Variants in YLPM1 observed in about 807,000 individuals in gnomAD.
The protein encoded by YLPM1 is YLP motif-containing protein 1.
YLPM1 carries 99 observed loss-of-function variants against 230.0 expected under a neutral mutation model. That is an observed-to-expected ratio of 0.43 (90% CI 0.37 to 0.51). The LOEUF is 0.51. Among genes scored for constraint, YLPM1 ranks in the 20% least tolerant of loss-of-function variants. The probability of loss-of-function intolerance (pLI) is 0.00; values close to 1 mark genes in which losing one functional copy is unlikely to be tolerated. For missense variants in YLPM1, 2,592 were observed against 2,707.7 expected, an observed-to-expected ratio of 0.96 and a Z score of 0.95; for synonymous variants, 984 against 942.5, an observed-to-expected ratio of 1.04 and a Z score of -0.81.
chr14:74,804,044 C>G (rs1172080512), intron 6 of YLPM1, among the ~76,000 whole-genome samples: 1 of 152,076 alleles, frequency 6.6e-6, no homozygotes, highest in Non-Finnish European at 1.5e-5. Context: ...GTAATCCCAG[C>G]TACTAAGGAG....
At chr14:74,826,491 T>G (rs116618713) in intron 18 of YLPM1, among the ~76,000 whole-genome samples, 57 of 152,348 alleles carry the variant, frequency 3.7e-4, no homozygotes, top group African/African-American at 1.4e-3. Flanking sequence ...TGTCACATGT[T>G]GAGCAAAAAC....
rs759803755 is a variant in YLPM1, at chr14:74,797,875, T to C, written c.2578T>C (p.Ser860Pro). ...ACCTAAGTCACAAGCAGAACCTCTTTCAGGAAACAAAGAACCATTAGCAGA... is the reference window on the plus strand; with the variant it reads ...ACCTAAGTCACAAGCAGAACCTCTTCCAGGAAACAAAGAACCATTAGCAGA... The part of the protein sequence containing the change: ...QQPKSQAEPL[S>P]GNKEPLADTS... The change falls in exon 5 of 21, where the codon TCA (serine) becomes CCA (proline). Residue 860 changes from serine (S) to proline (P), a missense_variant. Transcript: ENST00000325680. 1.2e-6 allele frequency: 2 copies of C among 1,613,822 alleles called. No individual in the cohort carries two copies. The highest frequency in any genetic ancestry group is 2.7e-5 in the African/African-American group (2 of 74,912).
chr14:74,769,583 G>A (rs929152622), intron 1 of YLPM1, among the ~76,000 whole-genome samples: 4 of 146,696 alleles, frequency 2.7e-5, no homozygotes, highest in African/African-American at 8.0e-5. Flanking sequence ...CAGAGTGCCC[G>A]GCCATTTTTT....
At position 74,781,823 on chromosome 14, in the gene YLPM1, C is replaced by A. The variant is rs150798945; in HGVS notation, c.1780C>A (p.Pro594Thr). Residue 594 changes from proline (P) to threonine (T), a missense_variant, in exon 4 of 21, where the codon CCT (proline) becomes ACT (threonine). Pro to Thr is a conservative substitution (Grantham distance 38). Coordinates refer to ENST00000325680, the MANE Select transcript of YLPM1 (RefSeq NM_019589.3). ...AGGGCCACCACCAGTTCTCCCCCCA[C>A]CTTCCCTGTCTTCTGCAGGGCCACC... is the stretch of plus-strand genomic sequence containing the variant. The part of the protein sequence containing the change: ...SAGPPPVLPP[P>T]SLSSAGPPPV... 2 of 1,612,480 alleles carry A rather than the reference C, an allele frequency of 1.2e-6. No individual in the cohort carries two copies. Among genetic ancestry groups the A allele is most frequent in the Non-Finnish European group, 1.7e-6 (2 of 1,179,168 alleles).
chr14:74,764,386 T>G (rs777755615), intron 1 of YLPM1, 24 bp downstream of exon 1: 5 of 1,569,448 alleles, frequency 3.2e-6, no homozygotes, highest in Non-Finnish European at 4.3e-6. Flanking sequence ...TGCCTGAACC[T>G]CATCTTTCAC....
intron 11 of YLPM1, among the ~76,000 whole-genome samples, chr14:74,815,561 CAAA>C (rs746833102): frequency 2.6e-5 from 3 of 114,176 alleles, no homozygotes; most frequent in Admixed American, 9.2e-5. Flanking sequence ...GACTCCATCT[CAAA>C]AAAAAAAAAA....
At chr14:74,769,231 C>T (rs539010851) in intron 1 of YLPM1, among the ~76,000 whole-genome samples, 41 of 142,940 alleles carry the variant, frequency 2.9e-4, no homozygotes, top group Admixed American at 2.1e-3. Flanking sequence ...CCTGCCACCA[C>T]GCCCGGCTAA....
intron 5 of YLPM1, 47 bp from the exon 6 acceptor site, chr14:74,802,509 T>C (rs373993005): frequency 9.7e-6 from 15 of 1,553,676 alleles, no homozygotes; most frequent in African/African-American, 8.3e-5. Flanking sequence ...CACTTAGGAA[T>C]GGAATAAGCA....
intron 12 of YLPM1, 68 bp downstream of exon 12, chr14:74,816,333 T>C: frequency 3.3e-6 from 5 of 1,503,856 alleles, no homozygotes; most frequent in Non-Finnish European, 4.6e-6. Flanking sequence ...TGCCTTCTTA[T>C]TAATAGCAAG....
rs755193062 is a variant in YLPM1 at position 74,763,928 on chromosome 14, C to G, written c.439C>G (p.Pro147Ala). Residue 147 changes from proline (P) to alanine (A), a missense_variant, in exon 1 of 21, where the codon CCT becomes GCT. By Grantham distance (27) the Pro-to-Ala change is conservative (BLOSUM62 -1). This residue lies in a region of YLPM1 where 1,862 missense variants were observed against 1,819.8 expected (regional missense o/e 1.02). Transcript: ENST00000325680. ...GLVPMELESPPESPPVPPGSY... is the reference protein window; with the variant it reads ...GLVPMELESPAESPPVPPGSY... ...GGTTCCAATGGAGCTGGAATCCCCC[C>G]CTGAATCTCCCCCTGTGCCGCCTGG... 7 of 1,150,998 alleles carry G rather than the reference C, an allele frequency of 6.1e-6. No individual in the cohort carries two copies. The Admixed American group carries it at 9.9e-5, about 16-fold the overall frequency. The allele number at this position is 1,150,998 out of a possible 1,614,324, so 71.3% of individuals were successfully genotyped here.
At chr14:74,818,134 A>G (rs1022961770) in intron 15 of YLPM1, 97 bp from the exon 16 acceptor site, 6 of 559,302 alleles carry the variant, frequency 1.1e-5, no homozygotes, top group Middle Eastern at 6.5e-4. Flanking sequence ...ATATTTAACA[A>G]TATTTTAAAA....
chr14:74,813,448 ATT>A (rs1479740214), intron 11 of YLPM1, among the ~76,000 whole-genome samples: 4 of 146,556 alleles, frequency 2.7e-5, no homozygotes, highest in Non-Finnish European at 6.0e-5. Flanking sequence ...GGTTCCCTTT[ATT>A]TCTGACATTT....
intron 2 of YLPM1, among the ~76,000 whole-genome samples, chr14:74,779,401 A>G (rs755940355): frequency 2.6e-5 from 4 of 152,144 alleles, no homozygotes; most frequent in Non-Finnish European, 5.9e-5. Flanking sequence ...AAATGGGTAT[A>G]TTCAATAGTA....
Position 74,798,484 on chromosome 14 carries a change from G to C in YLPM1, c.3187G>C (p.Gly1063Arg), listed in dbSNP as rs1479881741. The change falls in exon 5 of 21, where the codon GGT becomes CGT. Residue 1063 changes from glycine (G) to arginine (R), a missense_variant. This residue lies in a region of YLPM1 where 1,862 missense variants were observed against 1,819.8 expected (regional missense o/e 1.02). Transcript: ENST00000325680. ...AGAAGACTTTCGGGATAAGATGATGGGTAGAAGAGAAGATAGTCGAGAGAA... is the reference window on the plus strand; with the variant it reads ...AGAAGACTTTCGGGATAAGATGATGCGTAGAAGAGAAGATAGTCGAGAGAA... Reference protein sequence around the residue: ...KQEDFRDKMMGRREDSREKMN... With the variant: ...KQEDFRDKMMRRREDSREKMN... 1 of 1,613,944 alleles carries C rather than the reference G, an allele frequency of 6.2e-7. No homozygotes were observed. Among genetic ancestry groups the C allele is most frequent in the Non-Finnish European group, 8.5e-7 (1 of 1,179,880 alleles).
intron 1 of YLPM1, among the ~76,000 whole-genome samples, chr14:74,767,316 A>G (rs2090921638): frequency 6.6e-6 from 1 of 152,198 alleles, no homozygotes; most frequent in Non-Finnish European, 1.5e-5. Flanking sequence ...ATTCTTTGAT[A>G]CCATCCATGT....
intron 11 of YLPM1, among the ~76,000 whole-genome samples, chr14:74,814,587 C>T (rs2091462211): frequency 6.6e-6 from 1 of 152,160 alleles, no homozygotes; most frequent in Admixed American, 6.5e-5. Context: ...AACTTGCATT[C>T]CTGGGATAAA....
intron 5 of YLPM1, among the ~76,000 whole-genome samples, chr14:74,800,519 G>T (rs1458397778): frequency 6.6e-6 from 1 of 152,160 alleles, no homozygotes; most frequent in Non-Finnish European, 1.5e-5. Flanking sequence ...CTTTTTTAAA[G>T]CAATTTTTTT....
At position 74,775,044 on chromosome 14, in the gene YLPM1, A is replaced by G. The variant is rs8022955; in HGVS notation, c.874-3403A>G. Among the ~76,000 whole-genome samples, 1,051 of 152,376 alleles carry G rather than the reference A, an allele frequency of 6.9e-3. 16 individuals carry two copies. The highest frequency in any genetic ancestry group is 0.024 in the African/African-American group (1,010 of 41,588). The stretch of plus-strand genomic sequence containing the variant: ...AAAATCATAAGTTGAACCATTGTTA[A>G]GTCAGGGACCATCTGTAATTATATC... On this transcript the variant is annotated intron_variant, in intron 1 of 20. Transcript: ENST00000325680.
At chr14:74,810,588 T>TGGTAGCTTGA (rs1472021404) in intron 9 of YLPM1, among the ~76,000 whole-genome samples, 168 bp downstream of exon 9, 1 of 152,082 alleles carries the variant, frequency 6.6e-6, no homozygotes, top group Non-Finnish European at 1.5e-5. Flanking sequence ...GTCCTTGACT[T>TGGTAGCTTGA]GGTAGCTTGA....
Sources: gnomAD v4.1 joint callset for allele counts (sites outside exome capture counted in the v4.1 genomes callset) on GRCh38, gnomAD v4.1.1 for gene constraint, gnomAD v4.1.1 regional missense constraint, MANE v1.5 for transcripts, NCBI Gene and HGNC (gene_info 2026-07-23, HGNC 2026-07-21) for gene names.